The following YEATS2 variants were observed in gnomAD, a reference collection of about 807,000 sequenced individuals.
YEATS2 encodes the protein YEATS domain containing 2, also known as YEATS domain-containing protein 2.
In YEATS2, 77 loss-of-function variants were observed where a neutral mutation model predicts 163.2. The observed-to-expected ratio is 0.47, with a 90% confidence interval of 0.39 to 0.57. The LOEUF is 0.57. YEATS2 is among the 20% of genes least tolerant of loss of function. YEATS2 has a pLI of 0.00. For synonymous variants in YEATS2, 631 were observed against 645.1 expected (o/e 0.98, Z 0.33); for missense variants, 1,549 against 1,729.8 (o/e 0.90, Z 1.85).
At chr3:183,807,447 G>A (rs1007644506) in intron 28 of YEATS2, 1 of 301,764 alleles carries the variant, frequency 3.3e-6, no homozygotes, top group African/African-American at 2.2e-5. Context: ...CATGAGGCAC[G>A]TCGTACTCTT....
intron 6 of YEATS2, among the ~76,000 whole-genome samples, chr3:183,726,256 G>A (rs1717087441): frequency 6.6e-6 from 1 of 152,192 alleles, no homozygotes; most frequent in Non-Finnish European, 1.5e-5. Flanking sequence ...ATGTGTGTAA[G>A]TTTGGAAGAA....
chr3:183,791,106 T>C (rs1033469966), intron 21 of YEATS2, 126 bp downstream of exon 21: 11 of 1,280,086 alleles, frequency 8.6e-6, no homozygotes, highest in African/African-American at 4.5e-5. Flanking sequence ...CAATCTCGAC[T>C]CACTGCAACC....
intron 6 of YEATS2, among the ~76,000 whole-genome samples, chr3:183,725,154 T>C (rs1026467845): frequency 6.6e-6 from 1 of 150,426 alleles, no homozygotes; most frequent in Admixed American, 6.7e-5. Context: ...ACTGCCTCTA[T>C]ACTGTGACAT....
intron 6 of YEATS2, among the ~76,000 whole-genome samples, chr3:183,725,895 GTTC>G (rs1345481846): frequency 6.6e-6 from 1 of 152,116 alleles, no homozygotes; most frequent in Non-Finnish European, 1.5e-5. Context: ...TTGACTTTTT[GTTC>G]TTCTTCAAAA....
rs375025436 is a variant in YEATS2, at chr3:183,755,961, G to T, written c.1391-567G>T. ...GGGTTTCTCCATGTTGGTCAGGCTG[G>T]TCTCGAACTCACAACCTCAGGTGAT... On this transcript the variant is annotated intron_variant, in intron 11 of 30. Coordinates refer to ENST00000305135, the MANE Select transcript of YEATS2 (RefSeq NM_018023.5). Among the ~76,000 whole-genome samples the T allele has an allele frequency of 1.4e-4, 21 of 151,890 alleles. 1 individual carries two copies. The highest frequency in any genetic ancestry group is 5.2e-4 in the Admixed American group (8 of 15,262).
chr3:183,724,134 G>GT (rs1716820531), intron 5 of YEATS2, among the ~76,000 whole-genome samples: 1 of 152,104 alleles, frequency 6.6e-6, no homozygotes, highest in Admixed American at 6.6e-5. Context: ...AGTAACCACT[G>GT]TAATAGTTTT....
rs1176168464 is a variant in YEATS2 at position 183,697,853 on chromosome 3, C to G, written c.-160C>G. On this transcript the variant is annotated 5_prime_UTR_variant, in exon 1 of 31. Transcript: ENST00000305135. Reference sequence around the variant, plus strand: ...ACGCGCCGGGCGGGCTCCACCGCGCCGTGTGCTTCCGCAGGTTGCGGGGGT... The same window carrying G: ...ACGCGCCGGGCGGGCTCCACCGCGCGGTGTGCTTCCGCAGGTTGCGGGGGT... The G allele has an allele frequency of 6.6e-6, 1 of 151,064 alleles. No homozygotes were observed. Among genetic ancestry groups the G allele is most frequent in the African/African-American group, 2.4e-5 (1 of 41,282 alleles). The allele number at this position is 151,064 out of a possible 1,614,324, so 9.4% of individuals were successfully genotyped here.
rs907542128 is a variant in YEATS2, at chr3:183,810,149, T to G, written c.4161-326T>G. 55 of 235,308 alleles carry G rather than the reference T, an allele frequency of 2.3e-4. 1 individual carries two copies. In the Admixed American group the frequency reaches 2.6e-3, roughly 11 times the overall value. 14.6% of individuals were successfully genotyped at this position (235,308 alleles called of 1,614,324 possible). Reference sequence around the variant, plus strand: ...GATGGGAAATAAGGTCCCAGAGTTTTGTGGTGCTTTGACTCAGCTTTCGGT... The same window carrying G: ...GATGGGAAATAAGGTCCCAGAGTTTGGTGGTGCTTTGACTCAGCTTTCGGT... On this transcript the variant is annotated intron_variant, in intron 30 of 30. Transcript: ENST00000305135.
chr3:183,782,297 C>T (rs1274464694), intron 19 of YEATS2, among the ~76,000 whole-genome samples: 3 of 151,558 alleles, frequency 2.0e-5, no homozygotes, highest in South Asian at 4.2e-4. Context: ...TTAGTAGAGA[C>T]GAGGTTTCTC....
chr3:183,778,643 G>T (rs533458448), intron 19 of YEATS2, among the ~76,000 whole-genome samples: 168 of 151,864 alleles, frequency 1.1e-3, no homozygotes, highest in Middle Eastern at 6.8e-3. Context: ...GGCGTGATCC[G>T]CTCCTGGCCT....
intron 24 of YEATS2, 127 bp from the exon 25 acceptor site, chr3:183,801,328 A>G (rs1298054180): frequency 5.0e-6 from 3 of 594,674 alleles, no homozygotes; most frequent in Non-Finnish European, 8.3e-6. Flanking sequence ...AGACATGCTA[A>G]TATGATGGTT....
rs769822813 is a variant in YEATS2 at position 183,812,530 on chromosome 3, T to G, written c.*1947T>G. 7.2e-5 allele frequency: 11 copies of G among 152,744 alleles called. No homozygotes were observed. Among genetic ancestry groups the G allele is most frequent in the Non-Finnish European group, 1.6e-4 (11 of 68,036 alleles). 9.5% of individuals were successfully genotyped at this position (152,744 alleles called of 1,614,324 possible). The stretch of plus-strand genomic sequence containing the variant: ...TTTGCAAAAGAAATATTAAATGATT[T>G]AGCAGTCTCCACGTGTGTTAATGTT... On this transcript the variant is annotated 3_prime_UTR_variant, in exon 31 of 31. Coordinates refer to ENST00000305135, the MANE Select transcript of YEATS2 (RefSeq NM_018023.5).
chr3:183,737,202 G>A (rs1464498209), intron 8 of YEATS2, among the ~76,000 whole-genome samples: 1 of 152,192 alleles, frequency 6.6e-6, no homozygotes, highest in Non-Finnish European at 1.5e-5. Flanking sequence ...GTAGGCTGAG[G>A]AAGAGGAGGG....
At position 183,798,886 on chromosome 3, in the gene YEATS2, T is replaced by G. The variant is rs1725407625; in HGVS notation, c.3227-5T>G. On this transcript the variant is annotated splice_polypyrimidine_tract_variant and splice_region_variant and intron_variant, in intron 22 of 30. Transcript: ENST00000305135. ...TTATATCCCTCCCTCCTTTTTTCCC[T>G]TTAGTGGTTCAGTCATTTTCTACCA... 2 of 1,610,594 alleles carry G rather than the reference T, an allele frequency of 1.2e-6. No homozygotes were observed. The highest frequency in any genetic ancestry group is 1.7e-6 in the Non-Finnish European group (2 of 1,176,802).
Position 183,767,359 on chromosome 3 carries a change from G to A in YEATS2, c.1948-4946G>A, listed in dbSNP as rs533349791. ...TCCTACTTCAGCCTTAGCTGGGATC[G>A]CAGGCCCACACCACCACGCCCAGCT... On this transcript the variant is annotated intron_variant, in intron 15 of 30. Coordinates refer to ENST00000305135, the MANE Select transcript of YEATS2 (RefSeq NM_018023.5). 4.0e-4 allele frequency among the ~76,000 whole-genome samples: 61 copies of A among 151,264 alleles called. 1 individual carries two copies. Among genetic ancestry groups the A allele is most frequent in the Admixed American group, 3.2e-3 (48 of 15,088 alleles).
intron 2 of YEATS2, 51 bp from the exon 3 acceptor site, chr3:183,717,600 G>T: frequency 7.6e-7 from 1 of 1,323,052 alleles, no homozygotes. Flanking sequence ...CTTAAATAAA[G>T]ACAGTCACTG....
In YEATS2 at chr3:183,811,314, A is replaced by C. The variant is rs1726774895; in HGVS notation, c.*731A>C. 1 of 152,610 alleles carries C rather than the reference A, an allele frequency of 6.6e-6. No homozygotes were observed. The highest frequency in any genetic ancestry group is 2.1e-4 in the South Asian group (1 of 4,834). The allele number at this position is 152,610 out of a possible 1,614,324, so 9.5% of individuals were successfully genotyped here. ...ATGCTAGGAATAGACTGTGTGCACCAGTCCCAGACACTTGGCAGAAGTGTA... is the reference window on the plus strand; with the variant it reads ...ATGCTAGGAATAGACTGTGTGCACCCGTCCCAGACACTTGGCAGAAGTGTA... On this transcript the variant is annotated 3_prime_UTR_variant, in exon 31 of 31. Transcript: ENST00000305135.
In YEATS2 at chr3:183,783,405, A is replaced by C. The variant is rs556083096; in HGVS notation, c.2737-2720A>C. On this transcript the variant is annotated intron_variant, in intron 19 of 30. Transcript: ENST00000305135. The stretch of plus-strand genomic sequence containing the variant: ...TTGCGTTGTTGCTGCTGTTTTTTAT[A>C]ATTTAAACTTTTATTTTAGATTCAG... Among the ~76,000 whole-genome samples, 5 of 152,260 alleles carry C rather than the reference A, an allele frequency of 3.3e-5. No homozygotes were observed. The South Asian group carries it at 1.0e-3, about 32-fold the overall frequency.
intron 7 of YEATS2, among the ~76,000 whole-genome samples, chr3:183,733,696 C>G (rs1718046755): frequency 6.6e-6 from 1 of 152,184 alleles, no homozygotes; most frequent in Admixed American, 6.5e-5. Context: ...AAATGTTTTT[C>G]TTACACACCC....
Sources: allele counts gnomAD v4.1 joint callset (sites outside exome capture counted in the v4.1 genomes callset), GRCh38; gene constraint gnomAD v4.1.1; transcripts MANE v1.5; gene names NCBI Gene and HGNC (gene_info 2026-07-23, HGNC 2026-07-21).